Variants in GRM7 observed in about 807,000 individuals in gnomAD.
GRM7 encodes the protein metabotropic glutamate receptor 7.
Under a neutral mutation model 84.5 loss-of-function variants are expected in GRM7, and 35 were observed. That is an observed-to-expected ratio of 0.41 (90% CI 0.32 to 0.55). The LOEUF is 0.55. Among genes scored for constraint, GRM7 ranks in the 20% least tolerant of loss-of-function variants. GRM7 has a pLI of 0.19. For missense variants in GRM7, 1,003 were observed against 1,194.6 expected (o/e 0.84, Z 2.36); for synonymous variants, 487 against 455.1 (o/e 1.07, Z -0.89).
chr3:7,697,623 G>T (rs1363153858), intron 9 of GRM7, among the ~76,000 whole-genome samples: 2 of 152,200 alleles, frequency 1.3e-5, no homozygotes, highest in Non-Finnish European at 1.5e-5. Context: ...TAGATGATGA[G>T]CAGTGAGTCG....
At chr3:7,710,927 C>T (rs1268504086) in intron 9 of GRM7, among the ~76,000 whole-genome samples, 1 of 152,194 alleles carries the variant, frequency 6.6e-6, no homozygotes. Flanking sequence ...CAGCACTTCG[C>T]TTAGAGTCAC....
At chr3:7,181,161 C>T (rs572541829) in intron 2 of GRM7, among the ~76,000 whole-genome samples, 3 of 152,298 alleles carry the variant, frequency 2.0e-5, no homozygotes, top group African/African-American at 7.2e-5. Context: ...TTATATGTTA[C>T]AATTAAGCTC....
chr3:7,016,099 C>T lies in GRM7; in HGVS notation c.520-130353C>T, dbSNP rs532035447. Among the ~76,000 whole-genome samples the T allele has an allele frequency of 7.8e-5, 9 of 116,096 alleles. No homozygotes were observed. In the East Asian group the frequency reaches 1.8e-3, roughly 23 times the overall value. 76.2% of individuals were successfully genotyped at this position (116,096 alleles called of 152,430 possible). ...AATGGAATGCTACTGTAGAGGAATA[C>T]GCAGTTTATTAAGGGCTTTGATCTA... is the stretch of plus-strand genomic sequence containing the variant. On this transcript the variant is annotated intron_variant, in intron 1 of 9. Transcript: ENST00000357716.
chr3:7,133,976 G>GA (rs1377450566), intron 1 of GRM7, among the ~76,000 whole-genome samples: 1 of 152,120 alleles, frequency 6.6e-6, no homozygotes, highest in Non-Finnish European at 1.5e-5. Context: ...CTAATCTACA[G>GA]ATGATCTCAG....
intron 7 of GRM7, among the ~76,000 whole-genome samples, chr3:7,482,649 G>T (rs1699176505): frequency 6.6e-6 from 1 of 152,176 alleles, no homozygotes; most frequent in South Asian, 2.1e-4. Flanking sequence ...GCCCTATTGT[G>T]AAAGACCCTC....
At chr3:7,718,212 A>G (rs1417596865) in intron 9 of GRM7, among the ~76,000 whole-genome samples, 14 of 152,230 alleles carry the variant, frequency 9.2e-5, no homozygotes, top group Admixed American at 9.2e-4. Context: ...ATGTCTGAGC[A>G]TAGGACACGC....
chr3:7,522,865 C>A (rs957355096), intron 7 of GRM7, among the ~76,000 whole-genome samples: 4 of 151,950 alleles, frequency 2.6e-5, no homozygotes, highest in South Asian at 2.1e-4. Flanking sequence ...AAAGCTGTGC[C>A]CCTTATGATG....
chr3:7,251,958 A>T (rs1698007588), intron 2 of GRM7, among the ~76,000 whole-genome samples: 1 of 152,204 alleles, frequency 6.6e-6, no homozygotes, highest in Non-Finnish European at 1.5e-5. Context: ...CGGAAAACAA[A>T]GCCTTTTTTC....
intron 1 of GRM7, among the ~76,000 whole-genome samples, chr3:6,927,465 GAAAGAAAGAAAGAA>G (rs201276760): frequency 0.067 from 7,539 of 112,530 alleles, 282 homozygotes; most frequent in South Asian, 0.11. Context: ...AAGAGAGAGA[GAAAGAAAGAAAGAA>G]AGAAAGAAAG....
chr3:7,144,660 G>T (rs1185993452), intron 1 of GRM7, among the ~76,000 whole-genome samples: 1 of 152,178 alleles, frequency 6.6e-6, no homozygotes, highest in Non-Finnish European at 1.5e-5. Flanking sequence ...CATTTTCCCT[G>T]TTTCTCAGAA....
chr3:7,131,103 G>C (rs1204405401), intron 1 of GRM7, among the ~76,000 whole-genome samples: 1 of 151,960 alleles, frequency 6.6e-6, no homozygotes, highest in African/African-American at 2.4e-5. Context: ...ATTCATCCAG[G>C]AGCTAGGAAG....
At chr3:7,034,109 G>A (rs1231480344) in intron 1 of GRM7, among the ~76,000 whole-genome samples, 1 of 152,060 alleles carries the variant, frequency 6.6e-6, no homozygotes, top group Non-Finnish European at 1.5e-5. Context: ...ATTGGTCAAG[G>A]GTAGGCTAAG....
intron 4 of GRM7, among the ~76,000 whole-genome samples, chr3:7,331,572 A>C (rs1701209494): frequency 6.6e-6 from 1 of 152,200 alleles, no homozygotes; most frequent in African/African-American, 2.4e-5. Flanking sequence ...GTGAGATAGC[A>C]GCATGGACCC....
At chr3:6,875,555 G>T (rs979673229) in intron 1 of GRM7, among the ~76,000 whole-genome samples, 7 of 152,130 alleles carry the variant, frequency 4.6e-5, no homozygotes, top group African/African-American at 1.7e-4. Context: ...CAGCCGTGTG[G>T]AACTGTGAGT....
At chr3:6,930,439 G>T (rs1697462595) in intron 1 of GRM7, among the ~76,000 whole-genome samples, 1 of 152,066 alleles carries the variant, frequency 6.6e-6, no homozygotes, top group Admixed American at 6.6e-5. Flanking sequence ...ATCCAAATAG[G>T]TTCTCAATAT....
At chr3:7,321,938 A>G (rs1700799259) in intron 4 of GRM7, among the ~76,000 whole-genome samples, 1 of 152,108 alleles carries the variant, frequency 6.6e-6, no homozygotes, top group African/African-American at 2.4e-5. Flanking sequence ...TGGCCTCCAT[A>G]TGTCAACATC....
At chr3:7,390,346 T>C (rs1694943791) in intron 4 of GRM7, among the ~76,000 whole-genome samples, 1 of 152,142 alleles carries the variant, frequency 6.6e-6, no homozygotes, top group Admixed American at 6.5e-5. Context: ...GATTGTCTTG[T>C]ATCTCACAGG....
chr3:7,347,752 A>G (rs1296947722), intron 4 of GRM7, among the ~76,000 whole-genome samples: 1 of 152,122 alleles, frequency 6.6e-6, no homozygotes, highest in Non-Finnish European at 1.5e-5. Flanking sequence ...TATCTCTCCT[A>G]TTCCAATCTT....
intron 2 of GRM7, among the ~76,000 whole-genome samples, chr3:7,173,697 C>A (rs1695056599): frequency 6.6e-6 from 1 of 152,034 alleles, no homozygotes; most frequent in Admixed American, 6.6e-5. Flanking sequence ...AAATACTCTC[C>A]TAGGCGTCCC....
Sources: allele counts gnomAD v4.1 joint callset (sites outside exome capture counted in the v4.1 genomes callset), GRCh38; gene constraint gnomAD v4.1.1; transcripts MANE v1.5; gene names NCBI Gene and HGNC (gene_info 2026-07-23, HGNC 2026-07-21).